The following CUX1 variants were observed in gnomAD, a reference collection of about 807,000 sequenced individuals.
The protein encoded by CUX1 is protein CASP.
CUX1 carries 31 observed loss-of-function variants against 158.8 expected under a neutral mutation model. The observed-to-expected ratio is 0.20, with a 90% CI of 0.15 to 0.26. CUX1 has a LOEUF of 0.26. Ranked by LOEUF, CUX1 falls within the 10% of genes least tolerant of loss-of-function variation. The pLI is 1.00. For synonymous variants in CUX1, 879 were observed against 862.1 expected (o/e 1.02, Z -0.34); for missense variants, 1,589 against 2,014.6 (o/e 0.79, Z 4.04).
At chr7:101,984,145 T>C (rs1278750489) in intron 2 of CUX1, among the ~76,000 whole-genome samples, 12 of 79,478 alleles carry the variant, frequency 1.5e-4, no homozygotes, top group African/African-American at 3.0e-4. Context: ...CACACATATA[T>C]ATATGTGTGT....
At chr7:101,933,755 C>G (rs1425995855) in intron 2 of CUX1, among the ~76,000 whole-genome samples, 3 of 152,142 alleles carry the variant, frequency 2.0e-5, no homozygotes, top group Admixed American at 6.5e-5. Flanking sequence ...ACAGAAATAG[C>G]AGTGTTCTTG....
At chr7:101,904,540 A>G (rs1802537354) in intron 1 of CUX1, among the ~76,000 whole-genome samples, 1 of 151,888 alleles carries the variant, frequency 6.6e-6, no homozygotes, top group South Asian at 2.1e-4. Context: ...ATACTGATAC[A>G]TATCAAATGT....
At chr7:102,193,544 C>A (rs1342655461) in intron 12 of CUX1, among the ~76,000 whole-genome samples, 1 of 152,174 alleles carries the variant, frequency 6.6e-6, no homozygotes, top group African/African-American at 2.4e-5. Context: ...GTGGCTCATG[C>A]CTGTAATACC....
At position 102,178,606 on chromosome 7, in the gene CUX1, C is replaced by T. The variant is rs782171748; in HGVS notation, c.966C>T (p.Ser322=). The T allele has an allele frequency of 1.2e-6, 2 of 1,611,562 alleles. No individual in the cohort carries two copies. Among genetic ancestry groups the T allele is most frequent in the Admixed American group, 3.4e-5 (2 of 59,660 alleles). Residue 322 remains serine, a synonymous_variant, in exon 11 of 24, where the codon AGC becomes AGT. Coordinates refer to ENST00000292535, the MANE Select transcript of CUX1 (RefSeq NM_181552.4). ...CCAAGCTGCGGGAGAATTCGGCCAG[C>T]CAGATCTCACAGCTTGAGCAGCAGC... ...SLTKLRENSA[S]QISQLEQQLS...
At chr7:102,203,397 C>T (rs1362222333) in intron 18 of CUX1, among the ~76,000 whole-genome samples, 5 of 152,126 alleles carry the variant, frequency 3.3e-5, no homozygotes, top group Non-Finnish European at 5.9e-5. Context: ...CTCCCCACCC[C>T]GCCTTCCACT....
chr7:101,944,156 G>C (rs903000001), intron 2 of CUX1, among the ~76,000 whole-genome samples: 1 of 152,114 alleles, frequency 6.6e-6, no homozygotes, highest in Non-Finnish European at 1.5e-5. Flanking sequence ...CACCCAGGGA[G>C]ACTGTCCCAG....
At chr7:101,821,848 TGTTTTTTTG>T (rs1792648472) in intron 1 of CUX1, among the ~76,000 whole-genome samples, 1 of 116,158 alleles carries the variant, frequency 8.6e-6, no homozygotes, top group African/African-American at 3.5e-5. Flanking sequence ...CTAGTTTTTT[TGTTTTTTTG>T]TTTTTTTTTT....
At chr7:101,842,356 GT>G (rs1213811469) in intron 1 of CUX1, among the ~76,000 whole-genome samples, 5 of 152,194 alleles carry the variant, frequency 3.3e-5, no homozygotes, top group African/African-American at 1.2e-4. Flanking sequence ...TCATGTCACT[GT>G]TTCTTTGATA....
At chr7:102,282,530 G>A (rs914717081) in intron 21 of CUX1, among the ~76,000 whole-genome samples, 18 of 152,250 alleles carry the variant, frequency 1.2e-4, no homozygotes, top group African/African-American at 3.4e-4. Context: ...AGGTGCCTCC[G>A]TGTCTGGGCC....
Position 102,252,388 on chromosome 7 carries a change from C to T in CUX1, c.*3346C>T, listed in dbSNP as rs1801611840. 1.0e-6 allele frequency: 1 copy of T among 985,394 alleles called. No homozygotes were observed. The highest frequency in any genetic ancestry group is 1.2e-6 in the Non-Finnish European group (1 of 830,006). The allele number at this position is 985,394 out of a possible 1,614,324, so 61.0% of individuals were successfully genotyped here. On this transcript the variant is annotated 3_prime_UTR_variant, in exon 24 of 24. Coordinates refer to ENST00000292535, the MANE Select transcript of CUX1 (RefSeq NM_181552.4). ...AGCAGTGGCCCCCGCAGGCAGCCGA[C>T]CCCCTTCCTCTTCACGCTCTATGAG...
chr7:102,224,909 C>T (rs1798195460), intron 20 of CUX1, among the ~76,000 whole-genome samples: 1 of 152,174 alleles, frequency 6.6e-6, no homozygotes, highest in South Asian at 2.1e-4. Context: ...ATCTGTTTAT[C>T]ATTTGGGAAA....
Position 102,250,162 on chromosome 7 carries a change from T to C in CUX1, c.*1120T>C. The C allele has an allele frequency of 2.0e-6, 2 of 985,476 alleles. No homozygotes were observed. The highest frequency in any genetic ancestry group is 2.4e-6 in the Non-Finnish European group (2 of 829,944). The allele number at this position is 985,476 out of a possible 1,614,324, so 61.0% of individuals were successfully genotyped here. ...GATCAGACCTCATATCTTGGAGGTTTAGGAGACAAGTTAGAACTGTAGCAT... is the reference window on the plus strand; with the variant it reads ...GATCAGACCTCATATCTTGGAGGTTCAGGAGACAAGTTAGAACTGTAGCAT... On this transcript the variant is annotated 3_prime_UTR_variant, in exon 24 of 24. Transcript: ENST00000292535.
intron 1 of CUX1, among the ~76,000 whole-genome samples, chr7:101,903,814 T>TTTTCATCTTCGCAG: frequency 6.6e-6 from 1 of 152,114 alleles, no homozygotes; most frequent in South Asian, 2.1e-4. Context: ...CAGAGTGGGT[T>TTTTCATCTTCGCAG]TGTGACGGGG....
intron 2 of CUX1, among the ~76,000 whole-genome samples, chr7:101,984,089 A>T (rs865845285): frequency 2.0e-4 from 6 of 29,822 alleles, no homozygotes; most frequent in Admixed American, 3.4e-4. Flanking sequence ...AAAAAAAAAA[A>T]ATATATATAT....
chr7:101,977,773 AAAT>A (rs899635426), intron 2 of CUX1, among the ~76,000 whole-genome samples: 1 of 152,150 alleles, frequency 6.6e-6, no homozygotes, highest in Non-Finnish European at 1.5e-5. Context: ...TCTGCTCAAA[AAAT>A]AATAATAATA....
intron 1 of CUX1, among the ~76,000 whole-genome samples, chr7:101,825,855 T>C (rs1793232517): frequency 6.6e-6 from 1 of 151,642 alleles, no homozygotes; most frequent in African/African-American, 2.4e-5. Flanking sequence ...GAGCCAAGTC[T>C]TTCTAACACA....
At chr7:102,216,535 CACA>C (rs782242446) in intron 20 of CUX1, among the ~76,000 whole-genome samples, 6 of 64,008 alleles carry the variant, frequency 9.4e-5, no homozygotes, top group African/African-American at 2.2e-4. Context: ...CTCTCCCCCC[CACA>C]CACACACACC....
intron 9 of CUX1, among the ~76,000 whole-genome samples, chr7:102,168,643 CAAAAAAAAAA>C (rs1167424159): frequency 4.0e-5 from 3 of 75,662 alleles, no homozygotes; most frequent in South Asian, 1.0e-3. Context: ...GGCTCTGTCT[CAAAAAAAAAA>C]AAAAAAAAAA....
At chr7:101,887,707 G>A (rs950690047) in intron 1 of CUX1, among the ~76,000 whole-genome samples, 2 of 152,166 alleles carry the variant, frequency 1.3e-5, no homozygotes, top group South Asian at 2.1e-4. Context: ...GATACACCCT[G>A]TGGACAGGGC....
Sources: gnomAD v4.1 joint callset for allele counts (sites outside exome capture counted in the v4.1 genomes callset) on GRCh38, gnomAD v4.1.1 for gene constraint, MANE v1.5 for transcripts, NCBI Gene and HGNC (gene_info 2026-07-23, HGNC 2026-07-21) for gene names.